Variants in LTBP1 observed in about 807,000 individuals in gnomAD.
LTBP1 encodes latent transforming growth factor beta binding protein 1.
LTBP1 carries 129 observed loss-of-function variants against 207.6 expected under a neutral mutation model. The ratio of observed to expected loss-of-function variants is 0.62; its 90% CI spans 0.54 to 0.72. LTBP1 has a LOEUF of 0.72. Among genes scored for constraint, LTBP1 ranks in the 30% least tolerant of loss-of-function variants. The probability of loss-of-function intolerance (pLI) is 0.00; values close to 1 mark genes in which losing one functional copy is unlikely to be tolerated. For synonymous variants in LTBP1, 963 were observed against 833.7 expected (o/e 1.16, Z -2.67); for missense variants, 2,281 against 2,217.2 (o/e 1.03, Z -0.58).
At chr2:32,954,885 C>T (rs538428517) in intron 2 of LTBP1, among the ~76,000 whole-genome samples, 1 of 152,250 alleles carries the variant, frequency 6.6e-6, no homozygotes, top group African/African-American at 2.4e-5. Context: ...GCTCTGGCTG[C>T]TCCAGGGGGT....
At chr2:33,294,768 G>A (rs1051416767) in intron 20 of LTBP1, among the ~76,000 whole-genome samples, 2 of 151,594 alleles carry the variant, frequency 1.3e-5, no homozygotes, top group Admixed American at 6.6e-5. Flanking sequence ...TAGTAAAGAC[G>A]AGGTTTCACC....
At chr2:33,355,047 C>T (rs566263991) in intron 26 of LTBP1, among the ~76,000 whole-genome samples, 1 of 152,258 alleles carries the variant, frequency 6.6e-6, no homozygotes, top group Non-Finnish European at 1.5e-5. Context: ...ATAAACTAAA[C>T]CTGACGAGGA....
intron 28 of LTBP1, among the ~76,000 whole-genome samples, chr2:33,363,148 C>T (rs1187833177): frequency 2.0e-5 from 3 of 152,204 alleles, no homozygotes; most frequent in African/African-American, 7.2e-5. Flanking sequence ...TTTACAAATA[C>T]ACTTCTCCTA....
At chr2:32,961,756 G>T (rs1679150618) in intron 2 of LTBP1, among the ~76,000 whole-genome samples, 1 of 151,942 alleles carries the variant, frequency 6.6e-6, no homozygotes, top group Non-Finnish European at 1.5e-5. Flanking sequence ...GACCAGACTG[G>T]CCAACATAGT....
At chr2:33,320,881 ACT>A (rs1348278758) in intron 24 of LTBP1, among the ~76,000 whole-genome samples, 3 of 151,308 alleles carry the variant, frequency 2.0e-5, no homozygotes, top group African/African-American at 4.9e-5. Flanking sequence ...ATAAATGAAA[ACT>A]CTCTGTGTAA....
chr2:33,271,376 A>G (rs950828183), intron 15 of LTBP1, among the ~76,000 whole-genome samples: 18 of 152,166 alleles, frequency 1.2e-4, no homozygotes, highest in African/African-American at 3.6e-4. Flanking sequence ...AGATAGGTCA[A>G]TAACCACCCG....
At position 33,087,006 on chromosome 2, in the gene LTBP1, TA is replaced by T. The variant is rs1215024135; in HGVS notation, c.864-23575del. Reference sequence around the variant, plus strand: ...GGCACTTGATCACAGAGATTATTCTTAGAGTCTTCTTTGGTGTCCAATTTCA... The same window carrying T: ...GGCACTTGATCACAGAGATTATTCTTGAGTCTTCTTTGGTGTCCAATTTCA... On this transcript the variant is annotated intron_variant, in intron 3 of 33. Coordinates refer to ENST00000404816, the MANE Select transcript of LTBP1 (RefSeq NM_206943.4). Among the ~76,000 whole-genome samples the T allele has an allele frequency of 4.3e-4, 65 of 151,902 alleles. 1 individual carries two copies. Among genetic ancestry groups the T allele is most frequent in the African/African-American group, 1.4e-3 (60 of 41,412 alleles).
At chr2:32,954,800 G>C (rs1199461698) in intron 2 of LTBP1, among the ~76,000 whole-genome samples, 1 of 152,126 alleles carries the variant, frequency 6.6e-6, no homozygotes. Context: ...AGGATGGGTG[G>C]GCGGGGCTTT....
chr2:32,954,735 G>A (rs1242739911), intron 2 of LTBP1, among the ~76,000 whole-genome samples: 3 of 152,010 alleles, frequency 2.0e-5, no homozygotes, highest in South Asian at 4.2e-4. Context: ...GGAGAGATGG[G>A]CTATTCAGAG....
intron 7 of LTBP1, among the ~76,000 whole-genome samples, chr2:33,200,480 A>G (rs997634796): frequency 2.0e-5 from 3 of 152,220 alleles, no homozygotes; most frequent in Admixed American, 6.5e-5. Flanking sequence ...TTAATTGAAG[A>G]TGGATTAAAG....
At chr2:33,267,256 C>T (rs1019685856) in intron 15 of LTBP1, among the ~76,000 whole-genome samples, 16 of 152,238 alleles carry the variant, frequency 1.1e-4, no homozygotes, top group African/African-American at 3.9e-4. Flanking sequence ...TGCTCCACAC[C>T]TGGCTTGCCC....
intron 26 of LTBP1, among the ~76,000 whole-genome samples, chr2:33,355,155 C>G (rs2094842034): frequency 6.6e-6 from 1 of 151,994 alleles, no homozygotes; most frequent in African/African-American, 2.4e-5. Flanking sequence ...CCTCATGACG[C>G]CCGAGTGTCA....
At chr2:33,344,340 G>C (rs377367606) in intron 25 of LTBP1, among the ~76,000 whole-genome samples, 2 of 152,138 alleles carry the variant, frequency 1.3e-5, no homozygotes, top group African/African-American at 4.8e-5. Flanking sequence ...GTTGTTTGAC[G>C]TTTGGATAAT....
intron 2 of LTBP1, among the ~76,000 whole-genome samples, chr2:32,968,758 C>G (rs946410580): frequency 1.4e-5 from 2 of 144,314 alleles, no homozygotes; most frequent in African/African-American, 2.6e-5. Flanking sequence ...GGGTCTTGCT[C>G]TGTTGCCCAG....
chr2:32,953,428 A>G (rs1249785222), intron 2 of LTBP1, among the ~76,000 whole-genome samples: 1 of 152,190 alleles, frequency 6.6e-6, no homozygotes, highest in African/African-American at 2.4e-5. Flanking sequence ...TACCATGACA[A>G]CTGCTAGGAG....
At chr2:33,348,397 A>G (rs532514173) in intron 26 of LTBP1, among the ~76,000 whole-genome samples, 6 of 152,354 alleles carry the variant, frequency 3.9e-5, no homozygotes, top group Admixed American at 3.9e-4. Flanking sequence ...ATAGAATTAA[A>G]TGAACAGGCT....
intron 3 of LTBP1, among the ~76,000 whole-genome samples, chr2:33,085,951 A>C (rs2078729784): frequency 6.6e-6 from 1 of 152,182 alleles, no homozygotes; most frequent in African/African-American, 2.4e-5. Context: ...GTGCATTGGG[A>C]GTCTGGTGAA....
intron 19 of LTBP1, among the ~76,000 whole-genome samples, chr2:33,284,412 G>A (rs2093622824): frequency 2.0e-5 from 3 of 152,216 alleles, no homozygotes; most frequent in East Asian, 1.9e-4. Context: ...TTCTGTTAAC[G>A]TAGCTTCTTC....
At chr2:33,052,078 C>G (rs1394434129) in intron 3 of LTBP1, among the ~76,000 whole-genome samples, 1 of 152,128 alleles carries the variant, frequency 6.6e-6, no homozygotes, top group East Asian at 1.9e-4. Context: ...CATAGCTGTG[C>G]CTTGGGTGGA....
Sources: allele counts gnomAD v4.1 joint callset (sites outside exome capture counted in the v4.1 genomes callset), GRCh38; gene constraint gnomAD v4.1.1; transcripts MANE v1.5; gene names NCBI Gene and HGNC (gene_info 2026-07-23, HGNC 2026-07-21).